RGS3: variants seen among roughly 807,000 people sequenced by gnomAD.
The protein encoded by RGS3 is regulator of G-protein signalling 3.
A neutral mutation model predicts 132.6 loss-of-function variants in RGS3; 80 were observed. The observed-to-expected ratio is 0.60, with a 90% confidence interval of 0.50 to 0.73. RGS3 has a LOEUF of 0.73. Ranked by LOEUF, RGS3 falls within the 30% of genes least tolerant of loss-of-function variation. RGS3 has a pLI of 0.00. For synonymous variants in RGS3, 598 were observed against 620.6 expected (o/e 0.96, Z 0.54); for missense variants, 1,382 against 1,530.8 (o/e 0.90, Z 1.62).
intron 4 of RGS3, 23 bp from the exon 3 acceptor site, chr9:113,483,036 C>T (rs1361236572): frequency 6.2e-7 from 1 of 1,613,874 alleles, no homozygotes; most frequent in Admixed American, 1.7e-5. Flanking sequence ...TTCATCCACC[C>T]CAATGTCTGA....
chr9:113,572,913 C>T (rs1834353673), intron 19 of RGS3, among the ~76,000 whole-genome samples: 1 of 152,242 alleles, frequency 6.6e-6, no homozygotes, highest in Non-Finnish European at 1.5e-5. Context: ...TCCTAGGCTG[C>T]TGTAAGGGTC....
rs959421428 is a variant in RGS3, at chr9:113,508,462, GC to G, written c.1438-74del. On this transcript the variant is annotated intron_variant, in intron 13 of 24. Transcript: ENST00000350696. The stretch of plus-strand genomic sequence containing the variant: ...GGTGCTCCACTTCCTCTCCCCTGGG[GC>G]CCCCGTGTCCAGCAGCCTCCTGGGC... 33 of 1,547,676 alleles carry G rather than the reference GC, an allele frequency of 2.1e-5. 1 individual carries two copies. The African/African-American group carries it at 3.3e-4, about 15-fold the overall frequency.
intron 7 of RGS3, among the ~76,000 whole-genome samples, chr9:113,489,745 G>C (rs1164109246): frequency 6.6e-6 from 1 of 151,450 alleles, no homozygotes; most frequent in Non-Finnish European, 1.5e-5. Context: ...GCCCAGGCTG[G>C]TCTCCAACTC....
intron 19 of RGS3, chr9:113,581,892 C>T (rs906511149): frequency 1.6e-5 from 5 of 305,802 alleles, no homozygotes; most frequent in Non-Finnish European, 2.4e-5. Context: ...GCCTGTGAGC[C>T]ATAGCCTAAG....
At position 113,479,372 on chromosome 9, in the gene RGS3, G is replaced by A. The variant is rs924494885; in HGVS notation, c.416-119G>A. On this transcript the variant is annotated intron_variant, in intron 3 of 24. Transcript: ENST00000350696. The stretch of plus-strand genomic sequence containing the variant: ...AGGTCCCTGCCAGCCAGAGACTTGT[G>A]TGAGTCTTTGAATGGCTTCACATGA... 5.9e-6 allele frequency: 6 copies of A among 1,018,678 alleles called. No individual in the cohort carries two copies. The African/African-American group carries it at 7.9e-5, about 13-fold the overall frequency. 63.1% of individuals were successfully genotyped at this position (1,018,678 alleles called of 1,614,324 possible).
chr9:113,486,043 G>C (rs1830322480), intron 7 of RGS3, among the ~76,000 whole-genome samples: 1 of 152,192 alleles, frequency 6.6e-6, no homozygotes, highest in South Asian at 2.1e-4. Flanking sequence ...ACATGTACGT[G>C]CTCAGTTCTA....
upstream of RGS3, among the ~76,000 whole-genome samples, chr9:113,457,150 C>T (rs999157827): frequency 1.3e-5 from 2 of 152,198 alleles, no homozygotes; most frequent in African/African-American, 4.8e-5. Context: ...CTGATTCCCT[C>T]ACGTTCTAAG....
chr9:113,593,920 A>T, intron 21 of RGS3: 1 of 1,563,544 alleles, frequency 6.4e-7, no homozygotes, highest in Non-Finnish European at 8.7e-7. Context: ...CCCTGCTGCC[A>T]TGGTAACGAG....
intron 16 of RGS3, among the ~76,000 whole-genome samples, chr9:113,521,813 G>A (rs1360925658): frequency 6.6e-6 from 1 of 152,208 alleles, no homozygotes; most frequent in African/African-American, 2.4e-5. Flanking sequence ...ATGTCAACCT[G>A]TTGGCTTTTT....
intron 10 of RGS3, among the ~76,000 whole-genome samples, chr9:113,500,422 G>C (rs1830833901): frequency 6.6e-6 from 1 of 152,200 alleles, no homozygotes; most frequent in Non-Finnish European, 1.5e-5. Flanking sequence ...ATGGGCAAAA[G>C]CAGCTGGGCT....
chr9:113,459,618 C>T (rs181605154), upstream of RGS3, among the ~76,000 whole-genome samples: 291 of 152,112 alleles, frequency 1.9e-3, 2 homozygotes, highest in African/African-American at 6.5e-3. Flanking sequence ...GGTGTGGTGG[C>T]GCGTGCCTGT....
intron 20 of RGS3, among the ~76,000 whole-genome samples, chr9:113,587,433 GCCT>G (rs1835173382): frequency 6.6e-6 from 1 of 152,182 alleles, no homozygotes; most frequent in Non-Finnish European, 1.5e-5. Context: ...TCTCAGCTCT[GCCT>G]CCTCCTCCCT....
intron 8 of RGS3, among the ~76,000 whole-genome samples, chr9:113,496,873 C>G (rs1226212347): frequency 6.6e-6 from 1 of 152,098 alleles, no homozygotes; most frequent in African/African-American, 2.4e-5. Flanking sequence ...TGACTGCAGC[C>G]TTGGCTTCAT....
At chr9:113,512,091 G>T (rs929253966) in intron 14 of RGS3, among the ~76,000 whole-genome samples, 1 of 152,158 alleles carries the variant, frequency 6.6e-6, no homozygotes, top group South Asian at 2.1e-4. Context: ...GCAGCAATCA[G>T]TATTATCTCC....
chr9:113,466,523 T>G (rs539363552), intron 3 of RGS3, among the ~76,000 whole-genome samples: 2 of 152,232 alleles, frequency 1.3e-5, no homozygotes, highest in Non-Finnish European at 2.9e-5. Flanking sequence ...TGAAGGACAC[T>G]GCGTTCTGAG....
intron 3 of RGS3, among the ~76,000 whole-genome samples, chr9:113,466,169 T>TA (rs1396453550): frequency 5.9e-5 from 9 of 152,232 alleles, no homozygotes; most frequent in African/African-American, 2.2e-4. Context: ...GTTTGGAAGC[T>TA]ATGGATTCAG....
intron 7 of RGS3, among the ~76,000 whole-genome samples, chr9:113,488,660 T>A (rs548282226): frequency 7.2e-5 from 11 of 152,316 alleles, no homozygotes; most frequent in Non-Finnish European, 1.6e-4. Context: ...CATGGGGCAG[T>A]GTCTCCACGT....
intron 18 of RGS3, among the ~76,000 whole-genome samples, chr9:113,530,035 G>A (rs1832398274): frequency 1.3e-5 from 2 of 152,182 alleles, no homozygotes; most frequent in South Asian, 2.1e-4. Flanking sequence ...ACTGCAGGGC[G>A]GTGTCTGTTC....
At chr9:113,592,899 A>G (rs1219317212) in intron 21 of RGS3, 1 of 152,182 alleles carries the variant, frequency 6.6e-6, no homozygotes, top group Admixed American at 6.5e-5. Flanking sequence ...TGTGTATTTC[A>G]TATGTAATCT....
Sources: allele counts gnomAD v4.1 joint callset (sites outside exome capture counted in the v4.1 genomes callset), GRCh38; gene constraint gnomAD v4.1.1; transcripts MANE v1.5; gene names NCBI Gene and HGNC (gene_info 2026-07-23, HGNC 2026-07-21).